The following FAT3 variants were observed in gnomAD, a reference collection of about 807,000 sequenced individuals.
FAT3 encodes FAT atypical cadherin 3.
In FAT3, 95 loss-of-function variants were observed where a neutral mutation model predicts 310.2. That is an observed-to-expected ratio of 0.31 (90% CI 0.26 to 0.36). FAT3 has a LOEUF of 0.36. Among genes scored for constraint, FAT3 ranks in the 10% least tolerant of loss-of-function variants. The probability of loss-of-function intolerance (pLI) is 1.00; values close to 1 mark genes in which losing one functional copy is unlikely to be tolerated. For missense variants in FAT3, 5,408 were observed against 5,715.6 expected, an observed-to-expected ratio of 0.95 and a Z score of 1.74; for synonymous variants, 2,314 against 2,192.9, an observed-to-expected ratio of 1.06 and a Z score of -1.54.
At chr11:92,301,681 G>T (rs954907765) in intron 1 of FAT3, among the ~76,000 whole-genome samples, 5 of 152,018 alleles carry the variant, frequency 3.3e-5, no homozygotes, top group African/African-American at 4.8e-5. Flanking sequence ...TATTATTATT[G>T]TTCCTTTATT....
At chr11:92,460,800 A>G (rs1222503522) in intron 2 of FAT3, among the ~76,000 whole-genome samples, 6 of 152,246 alleles carry the variant, frequency 3.9e-5, no homozygotes, top group South Asian at 4.1e-4. Context: ...TAGCTGAAGT[A>G]TAATTATGTT....
rs200032318 is a variant in FAT3 at position 92,844,186 on chromosome 11, G to T, written c.10819G>T (p.Ala3607Ser). The change falls in exon 19 of 28, where the codon GCC becomes TCC. Residue 3607 changes from alanine to serine, a missense_variant. Coordinates refer to ENST00000525166, the MANE Select transcript of FAT3 (RefSeq NM_001367949.2). ...GAACAGTCACGATGGGAAAATCATCGCCCTGGGAGGCCTGGACAGCGGCAA... is the reference window on the plus strand; with the variant it reads ...GAACAGTCACGATGGGAAAATCATCTCCCTGGGAGGCCTGGACAGCGGCAA... ...KVNSHDGKIIALGGLDSGKYV... is the reference protein window; with the variant it reads ...KVNSHDGKIISLGGLDSGKYV... 6.2e-7 allele frequency: 1 copy of T among 1,613,862 alleles called. No homozygotes were observed. Among genetic ancestry groups the T allele is most frequent in the Non-Finnish European group, 8.5e-7 (1 of 1,179,900 alleles).
Position 92,891,037 on chromosome 11 carries a change from A to G in FAT3, c.13694A>G (p.Tyr4565Cys), listed in dbSNP as rs1308042368. The change falls in exon 28 of 28, where the codon TAC becomes TGC. Residue 4565 changes from tyrosine (Y) to cysteine (C), a missense_variant. By Grantham distance (194) the Tyr-to-Cys change is radical (BLOSUM62 -2). Transcript: ENST00000525166. ...GATTCCGAAGTAGCCATGAGTGACT[A>G]CGAGAGCGTGGGAGAGCTCAGCCTC... ...FDDSEVAMSD[Y>C]ESVGELSLAS... 3.1e-6 allele frequency: 5 copies of G among 1,613,730 alleles called. No individual in the cohort carries two copies. Among genetic ancestry groups the G allele is most frequent in the Admixed American group, 1.7e-5 (1 of 59,970 alleles).
intron 1 of FAT3, among the ~76,000 whole-genome samples, chr11:92,317,286 A>G (rs1947490437): frequency 6.6e-6 from 1 of 152,102 alleles, no homozygotes; most frequent in African/African-American, 2.4e-5. Context: ...TATTTAGATT[A>G]TTTTTTCTCC....
rs1277968304 is a variant in FAT3 at position 92,355,171 on chromosome 11, C to T, written c.3059C>T (p.Ser1020Phe). The change falls in exon 2 of 28, where the codon TCT becomes TTT. Residue 1020 changes from serine to phenylalanine, a missense_variant. By Grantham distance (155) the Ser-to-Phe change is radical. Transcript: ENST00000525166. ...VRAKDKGRPV[S>F]LSSVSFVEVE... ...GCCAAAGACAAAGGGCGGCCTGTCT[C>T]TCTGTCATCTGTTTCCTTTGTTGAG... 6.2e-7 allele frequency: 1 copy of T among 1,613,816 alleles called. No individual in the cohort carries two copies. Among genetic ancestry groups the T allele is most frequent in the Non-Finnish European group, 8.5e-7 (1 of 1,179,840 alleles).
chr11:92,291,092 C>CACAT (rs1230931671), intron 1 of FAT3, among the ~76,000 whole-genome samples: 1 of 151,240 alleles, frequency 6.6e-6, no homozygotes, highest in Non-Finnish European at 1.5e-5. Flanking sequence ...CACACACACA[C>CACAT]ACACACACAC....
At chr11:92,617,923 C>T (rs978164148) in intron 3 of FAT3, among the ~76,000 whole-genome samples, 17 of 152,296 alleles carry the variant, frequency 1.1e-4, no homozygotes, top group African/African-American at 3.4e-4. Context: ...TTAGGCTACT[C>T]GGGCATCAGG....
intron 1 of FAT3, among the ~76,000 whole-genome samples, chr11:92,283,901 C>G: frequency 6.6e-6 from 1 of 152,188 alleles, no homozygotes. Flanking sequence ...TCCTGACCCA[C>G]CCAAGGAGGT....
Position 92,354,572 on chromosome 11 carries a change from T to A in FAT3, c.2460T>A (p.Asn820Lys). ...QKSSWRLLTI[N>K]VEDANDNSPV... ...CGTCATGGAGACTGCTGACCATCAA[T>A]GTGGAGGATGCTAATGACAATAGCC... is the stretch of plus-strand genomic sequence containing the variant. The change falls in exon 2 of 28, where the codon AAT (asparagine) becomes AAA (lysine). Residue 820 changes from asparagine to lysine, a missense_variant. Coordinates refer to ENST00000525166, the MANE Select transcript of FAT3 (RefSeq NM_001367949.2). 6.2e-7 allele frequency: 1 copy of A among 1,613,838 alleles called. No homozygotes were observed. Among genetic ancestry groups the A allele is most frequent in the Non-Finnish European group, 8.5e-7 (1 of 1,179,844 alleles).
chr11:92,678,999 C>T (rs1943381517), intron 3 of FAT3, among the ~76,000 whole-genome samples: 1 of 152,154 alleles, frequency 6.6e-6, no homozygotes, highest in African/African-American at 2.4e-5. Flanking sequence ...TCACTCTCTA[C>T]ATCCATGTGT....
intron 19 of FAT3, among the ~76,000 whole-genome samples, chr11:92,850,584 T>TTAACTTATG (rs1948801365): frequency 6.6e-6 from 1 of 152,242 alleles, no homozygotes; most frequent in African/African-American, 2.4e-5. Flanking sequence ...AGGGAGCTTA[T>TTAACTTATG]TGACTTATGT....
intron 3 of FAT3, among the ~76,000 whole-genome samples, chr11:92,588,255 C>A (rs556756957): frequency 6.6e-6 from 1 of 151,802 alleles, no homozygotes; most frequent in African/African-American, 2.4e-5. Context: ...TCTATTGCTG[C>A]TCCTTTTTGA....
chr11:92,441,294 G>A (rs924629617), intron 2 of FAT3, among the ~76,000 whole-genome samples: 6 of 152,134 alleles, frequency 3.9e-5, no homozygotes, highest in Non-Finnish European at 8.8e-5. Flanking sequence ...TGTTTTGGCA[G>A]CAGGAATTAT....
chr11:92,447,746 G>T (rs1951254834), intron 2 of FAT3, among the ~76,000 whole-genome samples: 1 of 152,128 alleles, frequency 6.6e-6, no homozygotes, highest in Non-Finnish European at 1.5e-5. Context: ...AGTCAGGGAT[G>T]TGGAAATGTT....
intron 23 of FAT3, 92 bp downstream of exon 23, chr11:92,880,976 C>T (rs2136400520): frequency 7.3e-7 from 1 of 1,370,278 alleles, no homozygotes; most frequent in Non-Finnish European, 1.0e-6. Context: ...ATATTTACCA[C>T]TAATAGTACA....
chr11:92,455,298 A>G (rs1439542760), intron 2 of FAT3, among the ~76,000 whole-genome samples: 1 of 152,204 alleles, frequency 6.6e-6, no homozygotes, highest in Non-Finnish European at 1.5e-5. Context: ...CATGCCTTGC[A>G]ATTTTAAACA....
chr11:92,547,390 CT>C (rs1954650547), intron 3 of FAT3, among the ~76,000 whole-genome samples: 1 of 151,982 alleles, frequency 6.6e-6, no homozygotes, highest in African/African-American at 2.4e-5. Flanking sequence ...CAAAACATGC[CT>C]ATAGCCTTAA....
intron 3 of FAT3, among the ~76,000 whole-genome samples, chr11:92,568,101 C>G (rs1398489355): frequency 2.0e-5 from 3 of 152,020 alleles, no homozygotes; most frequent in African/African-American, 7.2e-5. Context: ...TGAATGTCTC[C>G]TAGGCCACCT....
chr11:92,734,245 G>A (rs1227397686), intron 4 of FAT3, among the ~76,000 whole-genome samples: 3 of 152,182 alleles, frequency 2.0e-5, no homozygotes, highest in Non-Finnish European at 2.9e-5. Context: ...GCAAGCTGTG[G>A]TTCAGTTTAT....
Sources: allele counts gnomAD v4.1 joint callset (sites outside exome capture counted in the v4.1 genomes callset), GRCh38; gene constraint gnomAD v4.1.1; transcripts MANE v1.5; gene names NCBI Gene and HGNC (gene_info 2026-07-23, HGNC 2026-07-21).